PDE7B: variants seen among roughly 807,000 people sequenced by gnomAD.
The protein encoded by PDE7B is phosphodiesterase 7B, also known as 3',5'-cyclic-AMP phosphodiesterase 7B.
Under a neutral mutation model 56.2 loss-of-function variants are expected in PDE7B, and 29 were observed. That is an observed-to-expected ratio of 0.52 (90% CI 0.38 to 0.70). The LOEUF is 0.70. PDE7B is among the 30% of genes least tolerant of loss of function. PDE7B has a pLI of 0.00. For synonymous variants in PDE7B, 197 were observed against 196.9 expected (o/e 1.00, Z 0.00); for missense variants, 490 against 565.0 (o/e 0.87, Z 1.35).
At chr6:136,108,081 C>T (rs1777677478) in intron 2 of PDE7B, among the ~76,000 whole-genome samples, 1 of 140,388 alleles carries the variant, frequency 7.1e-6, no homozygotes, top group Non-Finnish European at 1.5e-5. Flanking sequence ...GAGCCAAGAT[C>T]GTGCCACTGC....
intron 8 of PDE7B, among the ~76,000 whole-genome samples, chr6:136,170,082 C>G (rs541031203): frequency 1.5e-4 from 23 of 152,240 alleles, no homozygotes; most frequent in Middle Eastern, 6.8e-3. Context: ...TGCAGCTTTC[C>G]TGACTTGTGT....
intron 2 of PDE7B, among the ~76,000 whole-genome samples, chr6:136,006,211 G>C (rs890732956): frequency 8.1e-5 from 9 of 111,368 alleles, no homozygotes; most frequent in Admixed American, 1.1e-4. Context: ...GTTGTGGGGT[G>C]GGGGGAGGGG....
At chr6:135,971,472 G>A (rs945449024) in intron 2 of PDE7B, among the ~76,000 whole-genome samples, 3 of 152,100 alleles carry the variant, frequency 2.0e-5, no homozygotes, top group African/African-American at 7.3e-5. Flanking sequence ...CCCCGTCAGA[G>A]AAGGAGTCAA....
At chr6:135,958,870 C>A (rs968529704) in intron 2 of PDE7B, among the ~76,000 whole-genome samples, 1 of 152,090 alleles carries the variant, frequency 6.6e-6, no homozygotes, top group Non-Finnish European at 1.5e-5. Flanking sequence ...GTGACTCTAG[C>A]ATGAACGCTA....
At chr6:135,952,334 C>A (rs993120816) in intron 2 of PDE7B, among the ~76,000 whole-genome samples, 9 of 152,234 alleles carry the variant, frequency 5.9e-5, no homozygotes, top group African/African-American at 1.7e-4. Context: ...AATATAAGGA[C>A]AATTTTTTAA....
chr6:135,852,502 A>G (rs1347845222), intron 1 of PDE7B, among the ~76,000 whole-genome samples: 2 of 152,094 alleles, frequency 1.3e-5, no homozygotes, highest in East Asian at 3.9e-4. Flanking sequence ...CAAGATGAAG[A>G]AATTAGTGGC....
chr6:136,115,040 G>A (rs986464484), intron 3 of PDE7B: 1 of 152,100 alleles, frequency 6.6e-6, no homozygotes, highest in South Asian at 2.1e-4. Flanking sequence ...ACTACCCCTC[G>A]ACGGAGCACC....
intron 1 of PDE7B, among the ~76,000 whole-genome samples, chr6:135,910,078 G>A (rs1428083948): frequency 6.6e-6 from 1 of 152,180 alleles, no homozygotes; most frequent in East Asian, 1.9e-4. Flanking sequence ...TATCCAATAA[G>A]GACACTTGAA....
At chr6:136,054,821 A>G (rs1484543581) in intron 2 of PDE7B, among the ~76,000 whole-genome samples, 1 of 152,176 alleles carries the variant, frequency 6.6e-6, no homozygotes. Flanking sequence ...AAGATGAAGG[A>G]AAAGCAAAGG....
intron 2 of PDE7B, among the ~76,000 whole-genome samples, chr6:136,011,625 A>G (rs2128207248): frequency 6.6e-6 from 1 of 152,274 alleles, no homozygotes; most frequent in African/African-American, 2.4e-5. Flanking sequence ...GGCTAACCAG[A>G]GGTTTAATGT....
chr6:136,110,812 A>G (rs1777735146), intron 3 of PDE7B, among the ~76,000 whole-genome samples: 1 of 151,820 alleles, frequency 6.6e-6, no homozygotes, highest in Non-Finnish European at 1.5e-5. Context: ...CTCATTGCAG[A>G]TAATAATTCA....
intron 2 of PDE7B, among the ~76,000 whole-genome samples, chr6:135,976,732 T>C (rs1047102543): frequency 2.0e-5 from 3 of 152,160 alleles, no homozygotes; most frequent in African/African-American, 7.2e-5. Flanking sequence ...GTTATTTGCC[T>C]TGGCAGTCAA....
intron 3 of PDE7B, among the ~76,000 whole-genome samples, chr6:136,129,320 G>A (rs967012957): frequency 3.4e-4 from 51 of 152,160 alleles, no homozygotes; most frequent in Non-Finnish European, 8.8e-5. Flanking sequence ...TCTCATCTAT[G>A]TGGAGATGAG....
At chr6:136,058,197 G>T (rs1447604029) in intron 2 of PDE7B, among the ~76,000 whole-genome samples, 1 of 152,170 alleles carries the variant, frequency 6.6e-6, no homozygotes, top group African/African-American at 2.4e-5. Flanking sequence ...GTTTTGTAAA[G>T]AGATCAACAT....
rs551589947 is a variant in PDE7B, at chr6:136,065,289, C to T, written c.83-43442C>T. ...CAAATTAGACGTTTGCTTCACAAAA[C>T]CACCTTTGAGGCTAAATCACAGGGC... On this transcript the variant is annotated intron_variant, in intron 2 of 12. Coordinates refer to ENST00000308191, the MANE Select transcript of PDE7B (RefSeq NM_018945.4). Among the ~76,000 whole-genome samples, 17 of 152,260 alleles carry T rather than the reference C, an allele frequency of 1.1e-4. No individual in the cohort carries two copies. The South Asian group carries it at 3.1e-3, about 28-fold the overall frequency.
chr6:136,116,427 T>A (rs894684131), intron 3 of PDE7B, among the ~76,000 whole-genome samples: 1 of 152,174 alleles, frequency 6.6e-6, no homozygotes, highest in African/African-American at 2.4e-5. Context: ...TTAACTAACA[T>A]CCATATGTAG....
chr6:136,042,890 T>C (rs1776436852), intron 2 of PDE7B, among the ~76,000 whole-genome samples: 1 of 152,184 alleles, frequency 6.6e-6, no homozygotes. Context: ...AAAAGCTTAA[T>C]GAAAGAACAA....
At chr6:136,030,779 G>C (rs1776234725) in intron 2 of PDE7B, among the ~76,000 whole-genome samples, 1 of 152,204 alleles carries the variant, frequency 6.6e-6, no homozygotes, top group African/African-American at 2.4e-5. Flanking sequence ...CAACCATTCT[G>C]AAAATAGCAG....
intron 3 of PDE7B, among the ~76,000 whole-genome samples, chr6:136,131,213 A>T (rs998610935): frequency 2.0e-5 from 3 of 152,166 alleles, no homozygotes; most frequent in African/African-American, 7.2e-5. Flanking sequence ...AAAAAATATT[A>T]TATATTATAG....
Sources: gnomAD v4.1 joint callset for allele counts (sites outside exome capture counted in the v4.1 genomes callset) on GRCh38, gnomAD v4.1.1 for gene constraint, MANE v1.5 for transcripts, NCBI Gene and HGNC (gene_info 2026-07-23, HGNC 2026-07-21) for gene names.